TOX: variants seen among roughly 807,000 people sequenced by gnomAD.
The protein encoded by TOX is thymocyte selection-associated high mobility group box protein TOX.
Under a neutral mutation model 53.7 loss-of-function variants are expected in TOX, and 11 were observed. The ratio of observed to expected loss-of-function variants is 0.20; its 90% CI spans 0.13 to 0.34. The LOEUF is 0.34. Ranked by LOEUF, TOX falls within the 10% of genes least tolerant of loss-of-function variation. The pLI is 1.00. For synonymous variants in TOX, 225 were observed against 245.3 expected (o/e 0.92, Z 0.77); for missense variants, 570 against 664.6 (o/e 0.86, Z 1.56).
At chr8:59,089,791 T>C (rs1010312) in intron 1 of TOX, among the ~76,000 whole-genome samples, 46,797 of 152,118 alleles carry the variant, frequency 0.31, 11,812 homozygotes, top group African/African-American at 0.69. Flanking sequence ...TATTATGTTG[T>C]CCAGGCTGGT....
chr8:59,041,609 T>C (rs1803589045), intron 1 of TOX, among the ~76,000 whole-genome samples: 1 of 152,238 alleles, frequency 6.6e-6, no homozygotes, highest in African/African-American at 2.4e-5. Flanking sequence ...ACTCACTAGC[T>C]GTATAAACTC....
At chr8:59,013,701 A>C (rs1296238427) in intron 1 of TOX, among the ~76,000 whole-genome samples, 2 of 152,166 alleles carry the variant, frequency 1.3e-5, no homozygotes, top group African/African-American at 4.8e-5. Context: ...GAGCCAGCGC[A>C]CCTGGCCATC....
intron 3 of TOX, among the ~76,000 whole-genome samples, chr8:58,876,264 T>C (rs1332912681): frequency 2.0e-5 from 3 of 152,156 alleles, no homozygotes; most frequent in African/African-American, 7.2e-5. Context: ...AGAAACTGTA[T>C]ACACATTTTT....
At chr8:58,970,793 C>G (rs1379996508) in intron 1 of TOX, among the ~76,000 whole-genome samples, 1 of 152,222 alleles carries the variant, frequency 6.6e-6, no homozygotes, top group African/African-American at 2.4e-5. Context: ...TCACATAAAT[C>G]CAGGGCAATA....
At position 59,118,147 on chromosome 8, in the gene TOX, C is replaced by T. The variant is rs1202156097; in HGVS notation, c.102+739G>A. Among the ~76,000 whole-genome samples, 1 of 152,226 alleles carries T rather than the reference C, an allele frequency of 6.6e-6. No homozygotes were observed. The highest frequency in any genetic ancestry group is 1.5e-5 in the Non-Finnish European group (1 of 68,038). On this transcript the variant is annotated intron_variant, in intron 1 of 8. Transcript: ENST00000361421. The surrounding 1 kb of genome is among the most constrained non-coding windows in gnomAD (Gnocchi z 4.1). Reference sequence around the variant, plus strand: ...TCAGCGGGCCGTGGGTACAGCTCAGCCGCGGACCCTGCTCCGCGAGTGCGG... The same window carrying T: ...TCAGCGGGCCGTGGGTACAGCTCAGTCGCGGACCCTGCTCCGCGAGTGCGG...
chr8:58,817,202 C>T (rs780426498), intron 6 of TOX, among the ~76,000 whole-genome samples: 3 of 152,112 alleles, frequency 2.0e-5, no homozygotes, highest in Non-Finnish European at 2.9e-5. Context: ...GGAGAGTCCT[C>T]TCATTCTGAC....
intron 4 of TOX, among the ~76,000 whole-genome samples, chr8:58,841,418 A>G (rs184404064): frequency 6.6e-6 from 1 of 152,360 alleles, no homozygotes; most frequent in African/African-American, 2.4e-5. Context: ...TATTAATGCA[A>G]AATGATAATA....
intron 1 of TOX, among the ~76,000 whole-genome samples, chr8:59,062,473 A>G (rs1260500537): frequency 6.6e-6 from 1 of 152,240 alleles, no homozygotes; most frequent in Non-Finnish European, 1.5e-5. Flanking sequence ...AGATAATTAA[A>G]TGTGAATTGA....
At chr8:58,944,188 T>C (rs1261052821) in intron 2 of TOX, among the ~76,000 whole-genome samples, 6 of 152,148 alleles carry the variant, frequency 3.9e-5, no homozygotes, top group Non-Finnish European at 8.8e-5. Context: ...AGAGGCACTG[T>C]GCATCACTCT....
chr8:58,857,418 A>G (rs1048016891), intron 3 of TOX, among the ~76,000 whole-genome samples: 6 of 152,174 alleles, frequency 3.9e-5, no homozygotes, highest in African/African-American at 1.4e-4. Context: ...AATGGGTGCT[A>G]GGTTTCACTT....
chr8:59,003,462 A>C (rs919200085), intron 1 of TOX, among the ~76,000 whole-genome samples: 2 of 152,206 alleles, frequency 1.3e-5, no homozygotes, highest in African/African-American at 2.4e-5. Flanking sequence ...CATAAGGAAG[A>C]GGGCGCTACA....
chr8:58,946,507 G>A (rs1017520850), intron 2 of TOX, among the ~76,000 whole-genome samples: 24 of 152,028 alleles, frequency 1.6e-4, no homozygotes, highest in Non-Finnish European at 2.4e-4. Flanking sequence ...TCATCTTAAC[G>A]CTCAGCAAGA....
intron 6 of TOX, among the ~76,000 whole-genome samples, chr8:58,816,506 C>A (rs1184960967): frequency 1.3e-5 from 2 of 152,084 alleles, no homozygotes; most frequent in African/African-American, 2.4e-5. Flanking sequence ...TGAAAAGAAT[C>A]AAGAATTAAC....
At chr8:59,094,971 T>C (rs1415139957) in intron 1 of TOX, among the ~76,000 whole-genome samples, 1 of 152,206 alleles carries the variant, frequency 6.6e-6, no homozygotes, top group Non-Finnish European at 1.5e-5. Context: ...AAAATAATGA[T>C]ATAAAAACGA....
chr8:58,860,462 T>G (rs1810991339), intron 3 of TOX, among the ~76,000 whole-genome samples: 1 of 152,168 alleles, frequency 6.6e-6, no homozygotes, highest in Non-Finnish European at 1.5e-5. Flanking sequence ...TGACCTTAAA[T>G]GCTTCCTTAA....
At chr8:59,008,649 T>C (rs949511987) in intron 1 of TOX, among the ~76,000 whole-genome samples, 1 of 152,182 alleles carries the variant, frequency 6.6e-6, no homozygotes, top group Non-Finnish European at 1.5e-5. Context: ...TGACCAGTCA[T>C]ACGTCCTGCA....
chr8:59,027,344 G>A (rs1585973027), intron 1 of TOX, among the ~76,000 whole-genome samples: 1 of 152,036 alleles, frequency 6.6e-6, no homozygotes, highest in Non-Finnish European at 1.5e-5. Flanking sequence ...TTACACTTCA[G>A]ATTTAAAAAA....
At chr8:58,828,331 T>A (rs826730) in intron 5 of TOX, among the ~76,000 whole-genome samples, 2 of 151,956 alleles carry the variant, frequency 1.3e-5, no homozygotes, top group Non-Finnish European at 2.9e-5. Context: ...TCTCCTAAAG[T>A]GGGGGGCTTC....
chr8:58,927,502 T>G (rs76645723), intron 3 of TOX, among the ~76,000 whole-genome samples: 2,641 of 152,270 alleles, frequency 0.017, 65 homozygotes, highest in African/African-American at 0.059. Flanking sequence ...TGTCCCATGG[T>G]CCTTCTGCGT....
Sources: allele counts gnomAD v4.1 joint callset (sites outside exome capture counted in the v4.1 genomes callset), GRCh38; gene constraint gnomAD v4.1.1; non-coding constraint Gnocchi (gnomAD v3.1); transcripts MANE v1.5; gene names NCBI Gene and HGNC (gene_info 2026-07-23, HGNC 2026-07-21).